MGMT: variants seen among roughly 807,000 people sequenced by gnomAD.
MGMT encodes methylated-DNA--protein-cysteine methyltransferase.
In MGMT, 14 loss-of-function variants were observed where a neutral mutation model predicts 15.9. That is an observed-to-expected ratio of 0.88 (90% CI 0.58 to 1.37). The LOEUF (loss-of-function observed/expected upper bound fraction) is 1.37, where lower values mean the gene tolerates loss of function less well. Ranked by LOEUF, MGMT falls within the 40% of genes most tolerant of loss-of-function variation. The pLI is 0.00. For missense variants in MGMT, 282 were observed against 268.1 expected (o/e 1.05, Z -0.36); for synonymous variants, 130 against 118.2 (o/e 1.10, Z -0.65).
intron 2 of MGMT, among the ~76,000 whole-genome samples, chr10:129,577,245 A>T (rs1470629513): frequency 2.0e-5 from 3 of 152,200 alleles, no homozygotes; most frequent in Non-Finnish European, 4.4e-5. Flanking sequence ...CTAAGCCAAA[A>T]GAACAAAGCT....
chr10:129,586,894 T>G (rs150052525), intron 2 of MGMT, among the ~76,000 whole-genome samples: 1 of 152,366 alleles, frequency 6.6e-6, no homozygotes, highest in East Asian at 1.9e-4. Context: ...CATATCATTT[T>G]CCTTTTGCCT....
intron 1 of MGMT, among the ~76,000 whole-genome samples, chr10:129,471,860 G>A (rs1260211934): frequency 6.6e-6 from 1 of 152,212 alleles, no homozygotes; most frequent in African/African-American, 2.4e-5. Context: ...AGTTGGCATT[G>A]CTGCAGGTTT....
intron 2 of MGMT, among the ~76,000 whole-genome samples, chr10:129,655,020 A>G (rs555035152): frequency 6.6e-6 from 1 of 152,216 alleles, no homozygotes; most frequent in South Asian, 2.1e-4. Context: ...GGAGGAAACC[A>G]TTCAGGCTCG....
intron 3 of MGMT, among the ~76,000 whole-genome samples, chr10:129,712,716 G>C (rs1237859525): frequency 6.6e-6 from 1 of 152,150 alleles, no homozygotes; most frequent in African/African-American, 2.4e-5. Flanking sequence ...GACGAGGGAG[G>C]AGAGGAGAAG....
intron 3 of MGMT, among the ~76,000 whole-genome samples, chr10:129,724,526 A>G (rs1373039309): frequency 6.6e-6 from 1 of 152,180 alleles, no homozygotes; most frequent in Non-Finnish European, 1.5e-5. Flanking sequence ...AAGATGGTAC[A>G]TTTCACTGTG....
intron 3 of MGMT, among the ~76,000 whole-genome samples, chr10:129,758,197 G>C (rs1282327789): frequency 6.6e-6 from 1 of 152,100 alleles, no homozygotes; most frequent in African/African-American, 2.4e-5. Context: ...ACATGTAAGG[G>C]TGTGTTTCCT....
At chr10:129,602,812 C>G (rs1427031451) in intron 2 of MGMT, among the ~76,000 whole-genome samples, 1 of 152,064 alleles carries the variant, frequency 6.6e-6, no homozygotes, top group African/African-American at 2.4e-5. Context: ...CTGGTGTCTA[C>G]ACAGATTTCT....
chr10:129,752,340 C>A (rs897968879), intron 3 of MGMT, among the ~76,000 whole-genome samples: 2 of 151,518 alleles, frequency 1.3e-5, no homozygotes, highest in Non-Finnish European at 3.0e-5. Flanking sequence ...TTTTTCTATC[C>A]GTTTACTTTT....
intron 2 of MGMT, among the ~76,000 whole-genome samples, chr10:129,647,373 G>C (rs112445143): frequency 6.4e-4 from 97 of 152,304 alleles, no homozygotes; most frequent in African/African-American, 2.2e-3. Flanking sequence ...ATTAAAGGCA[G>C]CGGCCTGCAG....
At chr10:129,483,717 ATTAT>A in intron 1 of MGMT, among the ~76,000 whole-genome samples, 1 of 151,348 alleles carries the variant, frequency 6.6e-6, no homozygotes, top group East Asian at 2.0e-4. Context: ...CAGCTGTTTG[ATTAT>A]TTGTTTTTAT....
intron 2 of MGMT, among the ~76,000 whole-genome samples, chr10:129,594,180 A>C (rs1461660700): frequency 6.6e-6 from 1 of 152,172 alleles, no homozygotes; most frequent in Non-Finnish European, 1.5e-5. Context: ...AGAAACAGCC[A>C]TTCATTTGGA....
chr10:129,488,769 T>C (rs1041449331), intron 1 of MGMT, among the ~76,000 whole-genome samples: 1 of 152,200 alleles, frequency 6.6e-6, no homozygotes, highest in South Asian at 2.1e-4. Context: ...CAGTTCTTTT[T>C]TAATATGAAT....
At chr10:129,544,583 C>T (rs1846079272) in intron 2 of MGMT, among the ~76,000 whole-genome samples, 1 of 152,194 alleles carries the variant, frequency 6.6e-6, no homozygotes, top group Non-Finnish European at 1.5e-5. Flanking sequence ...GGAGTTGGGT[C>T]CTGGCCCTCA....
intron 2 of MGMT, among the ~76,000 whole-genome samples, chr10:129,581,150 A>G (rs1200587195): frequency 5.3e-5 from 8 of 152,194 alleles, no homozygotes; most frequent in Non-Finnish European, 1.5e-5. Context: ...TGTGAGTTGC[A>G]CACTGGAAGG....
chr10:129,657,728 C>CACACA (rs1554874807), intron 2 of MGMT, among the ~76,000 whole-genome samples: 5 of 136,064 alleles, frequency 3.7e-5, no homozygotes, highest in Non-Finnish European at 4.9e-5. Flanking sequence ...CACACACACA[C>CACACA]CCCCTCTCCC....
intron 3 of MGMT, among the ~76,000 whole-genome samples, chr10:129,749,288 T>TC (rs915866186): frequency 6.6e-6 from 1 of 152,104 alleles, no homozygotes; most frequent in African/African-American, 2.4e-5. Context: ...ACCTATTCAG[T>TC]CCCCCGCTCC....
intron 2 of MGMT, among the ~76,000 whole-genome samples, chr10:129,698,503 T>C (rs1288703457): frequency 6.6e-6 from 1 of 152,236 alleles, no homozygotes; most frequent in African/African-American, 2.4e-5. Flanking sequence ...TTTACAGATA[T>C]ACAAGCACTT....
At chr10:129,473,756 T>G (rs1323169876) in intron 1 of MGMT, among the ~76,000 whole-genome samples, 1 of 152,238 alleles carries the variant, frequency 6.6e-6, no homozygotes, top group African/African-American at 2.4e-5. Flanking sequence ...CCCAAGTGTA[T>G]TCCTGCTTGA....
intron 3 of MGMT, among the ~76,000 whole-genome samples, chr10:129,724,215 A>G (rs1443297454): frequency 5.3e-5 from 8 of 152,206 alleles, no homozygotes; most frequent in Non-Finnish European, 1.2e-4. Flanking sequence ...ATTGAAAAGG[A>G]ATAATCCACA....
Sources: allele counts gnomAD v4.1 joint callset (sites outside exome capture counted in the v4.1 genomes callset), GRCh38; gene constraint gnomAD v4.1.1; transcripts MANE v1.5; gene names NCBI Gene and HGNC (gene_info 2026-07-23, HGNC 2026-07-21).